LYPLAL1: variants seen among roughly 807,000 people sequenced by gnomAD.
LYPLAL1 encodes the protein lysophospholipase like 1.
Under a neutral mutation model 19.7 loss-of-function variants are expected in LYPLAL1, and 23 were observed. The observed-to-expected ratio is 1.17, with a 90% CI of 0.84 to 1.65. The LOEUF is 1.65. Ranked by LOEUF, LYPLAL1 falls within the 40% of genes most tolerant of loss-of-function variation. The probability of loss-of-function intolerance (pLI) is 0.00; values close to 1 mark genes in which losing one functional copy is unlikely to be tolerated. For synonymous variants in LYPLAL1, 119 were observed against 96.3 expected, an observed-to-expected ratio of 1.24 and a Z score of -1.38; for missense variants, 355 against 279.4, an observed-to-expected ratio of 1.27 and a Z score of -1.93.
At chr1:219,210,482 C>G (rs1419129694) in intron 3 of LYPLAL1, 50 bp from the exon 4 acceptor site, 1 of 1,172,742 alleles carries the variant, frequency 8.5e-7, no homozygotes, top group East Asian at 2.6e-5. Context: ...ATATCATATC[C>G]TAAATTATTA....
chr1:219,439,180 C>A, the LYPLAL1 span, among the ~76,000 whole-genome samples: 1 of 152,140 alleles, frequency 6.6e-6, no homozygotes, highest in African/African-American at 2.4e-5. Context: ...TCAGATTGGG[C>A]CTCACTGCTT....
chr1:219,422,495 A>T, the LYPLAL1 span, among the ~76,000 whole-genome samples: 1 of 152,320 alleles, frequency 6.6e-6, no homozygotes, highest in South Asian at 2.1e-4. Context: ...CAAAGGGTAC[A>T]TAGCATCATT....
chr1:219,439,575 A>G, the LYPLAL1 span, among the ~76,000 whole-genome samples: 6 of 152,246 alleles, frequency 3.9e-5, no homozygotes, highest in South Asian at 2.1e-4. Flanking sequence ...TCTTTTAACC[A>G]CAATATTAGA....
At chr1:219,314,446 T>C in the LYPLAL1 span, among the ~76,000 whole-genome samples, 3 of 152,132 alleles carry the variant, frequency 2.0e-5, no homozygotes, top group Admixed American at 6.5e-5. Context: ...TTTTTTCTTT[T>C]TCTTTTTTTC....
At chr1:219,380,830 C>T in the LYPLAL1 span, among the ~76,000 whole-genome samples, 1 of 152,136 alleles carries the variant, frequency 6.6e-6, no homozygotes, top group East Asian at 1.9e-4. Context: ...GTCACAAATA[C>T]TCGGCCCTGT....
chr1:219,439,997 A>G, the LYPLAL1 span, among the ~76,000 whole-genome samples: 1 of 67,282 alleles, frequency 1.5e-5, no homozygotes, highest in Admixed American at 1.5e-4. Context: ...ATATACACAC[A>G]TATATATATA....
the LYPLAL1 span, among the ~76,000 whole-genome samples, chr1:219,442,192 C>G: frequency 6.6e-6 from 1 of 152,152 alleles, no homozygotes; most frequent in East Asian, 1.9e-4. Context: ...CTCCCCTCTT[C>G]CCTTCCTTTC....
chr1:219,382,030 T>G, the LYPLAL1 span, among the ~76,000 whole-genome samples: 1 of 152,216 alleles, frequency 6.6e-6, no homozygotes, highest in African/African-American at 2.4e-5. Context: ...GTTTAGATGA[T>G]CTTTCCTTTC....
intron 2 of LYPLAL1, among the ~76,000 whole-genome samples, chr1:219,182,640 C>T (rs950666377): frequency 2.6e-5 from 4 of 152,082 alleles, no homozygotes; most frequent in African/African-American, 9.7e-5. Context: ...CATGCTTTAA[C>T]ATGTTGCTAC....
chr1:219,239,119 C>T, the LYPLAL1 span, among the ~76,000 whole-genome samples: 2 of 152,172 alleles, frequency 1.3e-5, no homozygotes, highest in East Asian at 3.8e-4. Flanking sequence ...GCCAGGGAGA[C>T]TATCAGATGA....
the LYPLAL1 span, among the ~76,000 whole-genome samples, chr1:219,258,102 G>A: frequency 6.6e-6 from 1 of 152,058 alleles, no homozygotes; most frequent in African/African-American, 2.4e-5. Context: ...AGACCTTATG[G>A]TTGTCTTCCC....
At chr1:219,184,496 T>C (rs1009119367) in intron 2 of LYPLAL1, among the ~76,000 whole-genome samples, 3 of 151,958 alleles carry the variant, frequency 2.0e-5, no homozygotes, top group African/African-American at 7.2e-5. Context: ...TCCAGTACAA[T>C]GTTAAATAGA....
At chr1:219,380,620 C>T in the LYPLAL1 span, among the ~76,000 whole-genome samples, 1 of 152,150 alleles carries the variant, frequency 6.6e-6, no homozygotes, top group Non-Finnish European at 1.5e-5. Context: ...TAACTTGCCT[C>T]GAAGGTGAAA....
the LYPLAL1 span, among the ~76,000 whole-genome samples, chr1:219,291,146 A>T: frequency 6.6e-6 from 1 of 152,192 alleles, no homozygotes; most frequent in Non-Finnish European, 1.5e-5. Flanking sequence ...AACTCTAATT[A>T]TGATGTTTCA....
At chr1:219,251,494 T>C in the LYPLAL1 span, among the ~76,000 whole-genome samples, 6 of 152,168 alleles carry the variant, frequency 3.9e-5, no homozygotes, top group Non-Finnish European at 7.4e-5. Flanking sequence ...CTTCTGCATA[T>C]GGCTAGCCAG....
chr1:219,196,976 A>G (rs1434026444), intron 3 of LYPLAL1, among the ~76,000 whole-genome samples: 2 of 152,208 alleles, frequency 1.3e-5, no homozygotes, highest in East Asian at 3.9e-4. Flanking sequence ...GCTCAAGGAA[A>G]TAAGAGAGGA....
chr1:219,274,719 C>T, the LYPLAL1 span, among the ~76,000 whole-genome samples: 1 of 152,102 alleles, frequency 6.6e-6, no homozygotes, highest in Non-Finnish European at 1.5e-5. Flanking sequence ...TGGTATTGAT[C>T]AGCATATTTC....
At chr1:219,288,957 G>A in the LYPLAL1 span, among the ~76,000 whole-genome samples, 146,362 of 152,258 alleles carry the variant, frequency 0.96, 70,618 homozygotes, top group East Asian at 1. Flanking sequence ...CATTTAAATC[G>A]TCTTGCTCGA....
chr1:219,293,546 A>G, the LYPLAL1 span, among the ~76,000 whole-genome samples: 2 of 152,294 alleles, frequency 1.3e-5, no homozygotes, highest in African/African-American at 4.8e-5. Flanking sequence ...GTTTATTTAA[A>G]TACGGAATCA....
Sources: allele counts gnomAD v4.1 joint callset (sites outside exome capture counted in the v4.1 genomes callset), GRCh38; gene constraint gnomAD v4.1.1; transcripts MANE v1.5; gene names NCBI Gene and HGNC (gene_info 2026-07-23, HGNC 2026-07-21).